The following TENM4 variants were observed in gnomAD, a reference collection of about 807,000 sequenced individuals.
TENM4 encodes teneurin transmembrane protein 4, also known as teneurin-4.
A neutral mutation model predicts 243.3 loss-of-function variants in TENM4; 82 were observed. The observed-to-expected ratio is 0.34, with a 90% CI of 0.28 to 0.40. The LOEUF (loss-of-function observed/expected upper bound fraction) is 0.40, where lower values mean the gene tolerates loss of function less well. Ranked by LOEUF, TENM4 falls within the 10% of genes least tolerant of loss-of-function variation. TENM4 has a pLI of 1.00. For missense variants in TENM4, 3,138 were observed against 3,673.3 expected (o/e 0.85, Z 3.77); for synonymous variants, 1,412 against 1,456.3 (o/e 0.97, Z 0.69).
At chr11:78,738,710 C>T in intron 19 of TENM4, 140 bp from the exon 20 acceptor site, 1 of 792,620 alleles carries the variant, frequency 1.3e-6, no homozygotes, top group Non-Finnish European at 2.0e-6. Context: ...GGTGTTCACT[C>T]AAGATGCATA....
At chr11:78,686,511 G>C (rs1858676964) in intron 29 of TENM4, among the ~76,000 whole-genome samples, 1 of 147,504 alleles carries the variant, frequency 6.8e-6, no homozygotes, top group Non-Finnish European at 1.5e-5. Flanking sequence ...CAGAGGCCCA[G>C]ACTTGTGACT....
At position 78,787,035 on chromosome 11, in the gene TENM4, G is replaced by A. The variant is rs1457001783; in HGVS notation, c.2228C>T (p.Thr743Ile). The A allele has an allele frequency of 3.2e-6, 5 of 1,555,918 alleles. No homozygotes were observed. Among genetic ancestry groups the A allele is most frequent in the Middle Eastern group, 1.7e-4 (1 of 5,976 alleles). ...CATCCAGCCATCCTCGCAGCGGCAG[G>A]TGCCCCCTACGCACACGCCATGGCC... ...CGGHGVCVGGTCRCEDGWMGA... is the reference protein window; with the variant it reads ...CGGHGVCVGGICRCEDGWMGA... The change falls in exon 16 of 34, where the codon ACC (threonine) becomes ATC (isoleucine). Residue 743 changes from threonine to isoleucine, a missense_variant. Around this residue, in one of 2 missense-constraint regions of TENM4, gnomAD observed 2,467 missense variants for 3,059.1 expected, o/e 0.81. Transcript: ENST00000278550.
chr11:78,722,857 C>T lies in TENM4; in HGVS notation c.3611G>A (p.Gly1204Glu). The change falls in exon 24 of 34, where the codon GGG (glycine) becomes GAG (glutamate). Residue 1204 changes from glycine to glutamate, a missense_variant. Transcript: ENST00000278550. The stretch of plus-strand genomic sequence containing the variant: ...CCGGCGCCCATTGCCCATGATGCTC[C>T]CAATGACAGGAGGCTGCTGAGACAC... ...QFVSQQPPVI[G>E]SIMGNGRRRS... 6.2e-7 allele frequency: 1 copy of T among 1,614,046 alleles called. No homozygotes were observed. Among genetic ancestry groups the T allele is most frequent in the Non-Finnish European group, 8.5e-7 (1 of 1,179,890 alleles).
chr11:78,778,555 A>C, intron 17 of TENM4, 47 bp downstream of exon 17: 1 of 1,587,252 alleles, frequency 6.3e-7, no homozygotes, highest in Non-Finnish European at 8.6e-7. Flanking sequence ...CTCATACACA[A>C]ACACACACAC....
At chr11:79,048,663 T>C (rs1490524788) in intron 6 of TENM4, among the ~76,000 whole-genome samples, 1 of 152,172 alleles carries the variant, frequency 6.6e-6, no homozygotes, top group Non-Finnish European at 1.5e-5. Context: ...GAGGTTTCAG[T>C]GTTACCCTGA....
At chr11:79,162,411 T>G (rs1461918688) in intron 3 of TENM4, among the ~76,000 whole-genome samples, 1 of 152,210 alleles carries the variant, frequency 6.6e-6, no homozygotes, top group Non-Finnish European at 1.5e-5. Context: ...TAGGAAATAC[T>G]AAATAAGTAT....
intron 6 of TENM4, among the ~76,000 whole-genome samples, chr11:78,957,303 A>AAAC (rs536154721): frequency 1.1e-4 from 17 of 151,984 alleles, no homozygotes; most frequent in South Asian, 8.3e-4. Context: ...AGTTGGCATG[A>AAAC]AACAACAACA....
intron 6 of TENM4, among the ~76,000 whole-genome samples, chr11:78,957,904 T>C (rs79017399): frequency 1.3e-5 from 2 of 152,306 alleles, no homozygotes; most frequent in African/African-American, 2.4e-5. Context: ...ATTCCTCTTA[T>C]CTTCTTCAAA....
chr11:79,203,357 C>T (rs912528136), intron 3 of TENM4, among the ~76,000 whole-genome samples: 1 of 152,166 alleles, frequency 6.6e-6, no homozygotes, highest in African/African-American at 2.4e-5. Context: ...GTGAAAACAA[C>T]CCAAATGTCC....
At chr11:78,886,630 CTG>C (rs755095738) in intron 9 of TENM4, among the ~76,000 whole-genome samples, 1 of 152,200 alleles carries the variant, frequency 6.6e-6, no homozygotes, top group Non-Finnish European at 1.5e-5. Context: ...TGAGCAGCTG[CTG>C]TGTGGTAGAG....
chr11:79,387,990 G>C (rs968528127), intron 1 of TENM4, among the ~76,000 whole-genome samples: 5 of 152,146 alleles, frequency 3.3e-5, no homozygotes, highest in Non-Finnish European at 7.4e-5. Context: ...CCCTGTCTCA[G>C]AAAATAAAAC....
intron 17 of TENM4, among the ~76,000 whole-genome samples, chr11:78,775,725 C>T (rs961615085): frequency 2.6e-5 from 4 of 152,160 alleles, no homozygotes; most frequent in Admixed American, 6.5e-5. Context: ...AGACAGCCCA[C>T]GTGACATTAA....
chr11:79,276,207 T>G (rs1565279399), intron 2 of TENM4, among the ~76,000 whole-genome samples: 1 of 152,216 alleles, frequency 6.6e-6, no homozygotes, highest in Admixed American at 6.5e-5. Flanking sequence ...CCCAAAGCTG[T>G]TGCCAAGTAT....
In TENM4 at chr11:78,939,036, C is replaced by T. The variant is rs1856838991; in HGVS notation, c.494-35513G>A. 4.6e-5 allele frequency among the ~76,000 whole-genome samples: 7 copies of T among 152,324 alleles called. No individual in the cohort carries two copies. In the South Asian group the frequency reaches 1.5e-3, roughly 32 times the overall value. ...TGGGTAGTAAACACATTTCTGTGCA[C>T]ATACAGCTCCCATCTGGGGGCTTGA... On this transcript the variant is annotated intron_variant, in intron 6 of 33. Coordinates refer to ENST00000278550, the MANE Select transcript of TENM4 (RefSeq NM_001098816.3).
intron 25 of TENM4, among the ~76,000 whole-genome samples, chr11:78,719,698 A>G (rs1235901951): frequency 6.6e-6 from 1 of 152,222 alleles, no homozygotes; most frequent in Non-Finnish European, 1.5e-5. Flanking sequence ...ACTGCTATCC[A>G]GGAGTCAGGT....
chr11:79,355,469 G>T (rs747433405), intron 1 of TENM4, among the ~76,000 whole-genome samples: 29 of 134,498 alleles, frequency 2.2e-4, no homozygotes, highest in Non-Finnish European at 3.3e-4. Context: ...GGAAGCAGAG[G>T]TTGCAGTGAA....
At chr11:79,293,246 C>T (rs1265625055) in intron 2 of TENM4, among the ~76,000 whole-genome samples, 1 of 152,090 alleles carries the variant, frequency 6.6e-6, no homozygotes, top group Non-Finnish European at 1.5e-5. Flanking sequence ...AACTCTTTGA[C>T]ACTTGGTTAT....
chr11:78,971,147 C>T (rs1420882281), intron 6 of TENM4, among the ~76,000 whole-genome samples: 2 of 151,996 alleles, frequency 1.3e-5, no homozygotes, highest in Non-Finnish European at 2.9e-5. Flanking sequence ...ACTCAGCCTC[C>T]CGAGTAGTCG....
chr11:79,418,666 C>T (rs1046015595), intron 1 of TENM4, among the ~76,000 whole-genome samples: 15 of 152,226 alleles, frequency 9.9e-5, no homozygotes, highest in African/African-American at 3.6e-4. Flanking sequence ...ACTCTGATGA[C>T]CCTTCAGTAC....
Sources: allele counts gnomAD v4.1 joint callset (sites outside exome capture counted in the v4.1 genomes callset), GRCh38; gene constraint gnomAD v4.1.1; regional missense constraint gnomAD v4.1.1; transcripts MANE v1.5; gene names NCBI Gene and HGNC (gene_info 2026-07-23, HGNC 2026-07-21).